Variants in CLSTN3 observed in about 807,000 individuals in gnomAD.
CLSTN3 encodes the protein calsyntenin 3, also known as calsyntenin-3.
CLSTN3 carries 36 observed loss-of-function variants against 95.9 expected under a neutral mutation model. The observed-to-expected ratio is 0.38, with a 90% CI of 0.29 to 0.50. The LOEUF is 0.50. Ranked by LOEUF, CLSTN3 falls within the 20% of genes least tolerant of loss-of-function variation. The pLI is 0.95. For synonymous variants in CLSTN3, 481 were observed against 504.0 expected (o/e 0.95, Z 0.61); for missense variants, 1,084 against 1,268.8 (o/e 0.85, Z 2.21).
chr12:7,143,564 G>C (rs1340575295), intron 12 of CLSTN3, among the ~76,000 whole-genome samples: 1 of 152,186 alleles, frequency 6.6e-6, no homozygotes, highest in Non-Finnish European at 1.5e-5. Flanking sequence ...GGGTTTCCGG[G>C]CTTTGATCTT....
In CLSTN3 at chr12:7,158,851, C is replaced by T. The variant is rs1260771482; in HGVS notation, c.*770C>T. On this transcript the variant is annotated 3_prime_UTR_variant, in exon 18 of 18. Transcript: ENST00000266546. ...GTGTGTGTGTGTGTGTGTGAGGCAT[C>T]GTCATGTCCTGGGGCAGGGGCGGGG... 1 of 115,786 alleles carries T rather than the reference C, an allele frequency of 8.6e-6. No homozygotes were observed. The highest frequency in any genetic ancestry group is 3.3e-5 in the African/African-American group (1 of 30,172). The allele number at this position is 115,786 out of a possible 1,614,324, so 7.2% of individuals were successfully genotyped here.
chr12:7,144,835 G>T (rs970958518), intron 12 of CLSTN3, among the ~76,000 whole-genome samples: 1 of 152,206 alleles, frequency 6.6e-6, no homozygotes. Flanking sequence ...GCTGTGGAAG[G>T]CCCCGGGCTG....
intron 1 of CLSTN3, chr12:7,131,662 G>T: frequency 2.4e-6 from 1 of 411,432 alleles, no homozygotes. Flanking sequence ...CAAGCAGGGT[G>T]GGAGGGGGAG....
At chr12:7,146,562 T>C (rs1046753147) in intron 12 of CLSTN3, among the ~76,000 whole-genome samples, 8 of 152,154 alleles carry the variant, frequency 5.3e-5, no homozygotes, top group Non-Finnish European at 7.4e-5. Flanking sequence ...AAAGGCTAGC[T>C]CAGTTGCTAC....
In CLSTN3 at chr12:7,157,301, G is replaced by A. The variant is rs983351123; in HGVS notation, c.2528-188G>A. Among the ~76,000 whole-genome samples, 12 of 151,976 alleles carry A rather than the reference G, an allele frequency of 7.9e-5. No individual in the cohort carries two copies. Among genetic ancestry groups the A allele is most frequent in the African/African-American group, 2.4e-4 (10 of 41,412 alleles). ...GCAGCAGCTCCCTTCCTCCCCTTTC[G>A]TCTCCTGCCCTTCCTGGTGGGCTGT... On this transcript the variant is annotated intron_variant, in intron 16 of 17. Coordinates refer to ENST00000266546, the MANE Select transcript of CLSTN3 (RefSeq NM_014718.4). This position sits in a 1 kb window ranked among gnomAD's most constrained non-coding sequence, Gnocchi z 5.9.
rs1939438303 is a variant in CLSTN3 at position 7,136,986 on chromosome 12, G to C, written c.1086G>C (p.Leu362=). 2 of 1,614,062 alleles carry C rather than the reference G, an allele frequency of 1.2e-6. No homozygotes were observed. The highest frequency in any genetic ancestry group is 1.7e-6 in the Non-Finnish European group (2 of 1,180,028). The part of the protein sequence containing the change: ...VQVPLGGPSG[L]GSGPQDSLSD... ...TGCCCCTGGGTGGCCCCAGTGGGCT[G>C]GGCTCTGGGCCCCAGGACAGCCTCA... The change falls in exon 7 of 18, where the codon CTG becomes CTC. Residue 362 remains leucine (L), a synonymous_variant. Coordinates refer to ENST00000266546, the MANE Select transcript of CLSTN3 (RefSeq NM_014718.4).
chr12:7,130,381 A>G lies in CLSTN3; in HGVS notation c.-268A>G, dbSNP rs1424556745. On this transcript the variant is annotated 5_prime_UTR_variant, in exon 1 of 18. Transcript: ENST00000266546. ...GGCTGTGCTGACGTCATCCTGCAGT[A>G]GCGGGGTTGGGGTGGGAGTGAGAGA... The G allele has an allele frequency of 7.3e-6, 10 of 1,374,248 alleles. No homozygotes were observed. Among genetic ancestry groups the G allele is most frequent in the Middle Eastern group, 2.8e-4 (1 of 3,628 alleles). The allele number at this position is 1,374,248 out of a possible 1,614,324, so 85.1% of individuals were successfully genotyped here.
intron 1 of CLSTN3, chr12:7,131,256 C>G (rs1939294694): frequency 4.7e-6 from 1 of 211,970 alleles, no homozygotes. Flanking sequence ...GTTACCAGAG[C>G]TGCCCTCTCT....
At chr12:7,156,207 T>C (rs753292784) in intron 16 of CLSTN3, 7 of 452,232 alleles carry the variant, frequency 1.5e-5, no homozygotes, top group African/African-American at 4.0e-5. Context: ...TGTGCACCCA[T>C]GTGGGGAGTA....
In CLSTN3 at chr12:7,149,404, C is replaced by G; in HGVS notation, c.2075-119C>G. On this transcript the variant is annotated intron_variant, in intron 13 of 17. Transcript: ENST00000266546. The surrounding 1 kb of genome is among the most constrained non-coding windows in gnomAD (Gnocchi z 4.5). ...CATAATGATATTCTTGAAAATGATG[C>G]TGACTTCCCTCTCCCTGGCCCTGGA... 9.8e-7 allele frequency: 1 copy of G among 1,020,400 alleles called. No homozygotes were observed. Among genetic ancestry groups the G allele is most frequent in the East Asian group, 2.4e-5 (1 of 40,980 alleles). 63.2% of individuals were successfully genotyped at this position (1,020,400 alleles called of 1,614,324 possible). A position where few individuals can be genotyped will look rare whatever the true frequency, so the allele number is the denominator to read the frequency against.
chr12:7,130,329 G>C, upstream of CLSTN3: 1 of 1,024,530 alleles, frequency 9.8e-7, no homozygotes. Flanking sequence ...TCACCTGATT[G>C]GCCGGCGGCC....
At chr12:7,139,340 G>A (rs147034322) in intron 8 of CLSTN3, among the ~76,000 whole-genome samples, 164 of 152,308 alleles carry the variant, frequency 1.1e-3, no homozygotes, top group African/African-American at 3.7e-3. Flanking sequence ...AGTGCTAAAG[G>A]ATGAGAAATA....
chr12:7,141,952 A>G lies in CLSTN3; in HGVS notation c.1487-134A>G. 9 of 670,214 alleles carry G rather than the reference A, an allele frequency of 1.3e-5. No homozygotes were observed. Among genetic ancestry groups the G allele is most frequent in the Middle Eastern group, 5.1e-4 (2 of 3,886 alleles). 41.5% of individuals were successfully genotyped at this position (670,214 alleles called of 1,614,324 possible). On this transcript the variant is annotated intron_variant, in intron 9 of 17. Coordinates refer to ENST00000266546, the MANE Select transcript of CLSTN3 (RefSeq NM_014718.4). This position sits in a 1 kb window ranked among gnomAD's most constrained non-coding sequence, Gnocchi z 4.1. ...TGAGCTGAGAGGTTGCAAGTTATAC[A>G]TGGGCAGGGTCAGAATCCCATGTGG...
intron 6 of CLSTN3, among the ~76,000 whole-genome samples, chr12:7,136,597 G>A (rs1939427721): frequency 6.6e-6 from 1 of 152,222 alleles, no homozygotes; most frequent in East Asian, 1.9e-4. Flanking sequence ...GACAGTCACC[G>A]GATGCATGGT....
At chr12:7,147,909 C>T (rs1218656683) in intron 12 of CLSTN3, among the ~76,000 whole-genome samples, 2 of 152,200 alleles carry the variant, frequency 1.3e-5, no homozygotes, top group African/African-American at 2.4e-5. Context: ...AATCCCAGCA[C>T]TTTGGGAGGC....
Position 7,135,513 on chromosome 12 carries a change from C to T in CLSTN3, c.570C>T (p.Thr190=). 2.5e-6 allele frequency: 4 copies of T among 1,614,098 alleles called. No homozygotes were observed. Among genetic ancestry groups the T allele is most frequent in the Non-Finnish European group, 2.5e-6 (3 of 1,180,010 alleles). The stretch of plus-strand genomic sequence containing the variant: ...ACTATGAGATTCTCACACCCAACAC[C>T]CCTTTCCTCATTGACAATGACGGTG... ...ICYYEILTPN[T]PFLIDNDGNI... The change falls in exon 4 of 18, where the codon ACC becomes ACT. Residue 190 remains threonine (T), a synonymous_variant. Coordinates refer to ENST00000266546, the MANE Select transcript of CLSTN3 (RefSeq NM_014718.4).
In CLSTN3 at chr12:7,157,701, C is replaced by G; in HGVS notation, c.2730+10C>G. The G allele has an allele frequency of 6.4e-7, 1 of 1,563,768 alleles. No homozygotes were observed. Among genetic ancestry groups the G allele is most frequent in the Admixed American group, 1.9e-5 (1 of 52,352 alleles). On this transcript the variant is annotated intron_variant, in intron 17 of 17. Coordinates refer to ENST00000266546, the MANE Select transcript of CLSTN3 (RefSeq NM_014718.4). This position sits in a 1 kb window ranked among gnomAD's most constrained non-coding sequence, Gnocchi z 5.9. ...TGTGAACCCCATGGAGGTGAGAGGC[C>G]TGGGGAAGCGGGGTTCTGTAGGGTC...
Position 7,133,931 on chromosome 12 carries a change from CT to C in CLSTN3, c.383+166del. 1.7e-6 allele frequency: 1 copy of C among 599,166 alleles called. No homozygotes were observed. Among genetic ancestry groups the C allele is most frequent in the Non-Finnish European group, 2.9e-6 (1 of 350,620 alleles). The allele number at this position is 599,166 out of a possible 1,614,324, so 37.1% of individuals were successfully genotyped here. On this transcript the variant is annotated intron_variant, in intron 3 of 17. Coordinates refer to ENST00000266546, the MANE Select transcript of CLSTN3 (RefSeq NM_014718.4). The surrounding 1 kb of genome is among the most constrained non-coding windows in gnomAD (Gnocchi z 4.7). ...CCCTGCTGTTCCTAGGATTTAGGGA[CT>C]TTCAGGCAAGGTGACAGAAACGTAT... is the stretch of plus-strand genomic sequence containing the variant.
upstream of CLSTN3, chr12:7,129,899 C>G (rs1382870110): frequency 9.2e-6 from 7 of 759,422 alleles, no homozygotes; most frequent in Non-Finnish European, 1.1e-5. The surrounding 1 kb of genome is among the most constrained non-coding windows in gnomAD (Gnocchi z 5.5). Context: ...CCCTGCGGAC[C>G]GCCCTGTGGC....
Sources: allele counts gnomAD v4.1 joint callset (sites outside exome capture counted in the v4.1 genomes callset), GRCh38; gene constraint gnomAD v4.1.1; non-coding constraint Gnocchi (gnomAD v3.1); transcripts MANE v1.5; gene names NCBI Gene and HGNC (gene_info 2026-07-23, HGNC 2026-07-21).